Variants in RAB15 observed in about 807,000 individuals in gnomAD.
RAB15 encodes RAB15, member RAS oncogene family, also known as ras-related protein Rab-15.
In RAB15, 13 loss-of-function variants were observed where a neutral mutation model predicts 31.8. The observed-to-expected ratio is 0.41, with a 90% CI of 0.27 to 0.65. The LOEUF (loss-of-function observed/expected upper bound fraction) is 0.65. Ranked by LOEUF, RAB15 falls within the 30% of genes least tolerant of loss-of-function variation. The probability of loss-of-function intolerance (pLI) is 0.32; values close to 1 mark genes in which losing one functional copy is unlikely to be tolerated. For missense variants in RAB15, 220 were observed against 277.3 expected, an observed-to-expected ratio of 0.79 and a Z score of 1.47; for synonymous variants, 100 against 105.6, an observed-to-expected ratio of 0.95 and a Z score of 0.33.
intron 5 of RAB15, among the ~76,000 whole-genome samples, chr14:64,949,898 T>C (rs555080220): frequency 2.0e-5 from 3 of 152,204 alleles, no homozygotes; most frequent in African/African-American, 7.2e-5. Flanking sequence ...CCTCCCTGGC[T>C]CTTTCCTGGG....
intron 1 of RAB15, among the ~76,000 whole-genome samples, chr14:64,963,610 A>G (rs8007405): frequency 0.41 from 61,976 of 152,074 alleles, 13,802 homozygotes; most frequent in East Asian, 0.64. Context: ...AGGACATAGA[A>G]ACTCAGGAGC....
At chr14:64,966,591 C>G (rs1399752337) in intron 1 of RAB15, among the ~76,000 whole-genome samples, 1 of 151,970 alleles carries the variant, frequency 6.6e-6, no homozygotes, top group East Asian at 1.9e-4. Flanking sequence ...ATTATTTTAT[C>G]GAGGGCTCTG....
rs778362589 is a variant in RAB15 at position 64,955,253 on chromosome 14, C to T, written c.125-2682G>A. On this transcript the variant is annotated intron_variant, in intron 1 of 6. Coordinates refer to ENST00000533601, the MANE Select transcript of RAB15 (RefSeq NM_001308154.2). This position sits in a 1 kb window ranked among gnomAD's most constrained non-coding sequence, Gnocchi z 4.4. ...CCTTCCTCCCTCCCCGCCCACACAA[C>T]CTCTCTTAAATTTAAAAAAGGTTAA... Among the ~76,000 whole-genome samples, 2 of 151,934 alleles carry T rather than the reference C, an allele frequency of 1.3e-5. No individual in the cohort carries two copies. The highest frequency in any genetic ancestry group is 6.6e-5 in the Admixed American group (1 of 15,256).
rs1886191917 is a variant in RAB15 at position 64,950,527 on chromosome 14, G to C, written c.325-113C>G. The C allele has an allele frequency of 1.1e-6, 1 of 907,962 alleles. No homozygotes were observed. Among genetic ancestry groups the C allele is most frequent in the Non-Finnish European group, 1.8e-6 (1 of 554,932 alleles). 56.2% of individuals were successfully genotyped at this position (907,962 alleles called of 1,614,324 possible). On this transcript the variant is annotated intron_variant, in intron 4 of 6. Coordinates refer to ENST00000533601, the MANE Select transcript of RAB15 (RefSeq NM_001308154.2). This position sits in a 1 kb window ranked among gnomAD's most constrained non-coding sequence, Gnocchi z 5.6. ...CACCAATTCCAGAGCCCTAGGGACA[G>C]GGTGGGCCGACTGGATGCAGGTGCC...
chr14:64,951,235 G>T lies in RAB15; in HGVS notation c.247-84C>A. The stretch of plus-strand genomic sequence containing the variant: ...CAGAAGGGGCCGTGGAAACTTAAAG[G>T]TTGGGTCCCACTCTCCCATTCTCCC... On this transcript the variant is annotated intron_variant, in intron 3 of 6. Transcript: ENST00000533601. The surrounding 1 kb of genome is among the most constrained non-coding windows in gnomAD (Gnocchi z 7.2). 1 of 1,162,978 alleles carries T rather than the reference G, an allele frequency of 8.6e-7. No homozygotes were observed. Among genetic ancestry groups the T allele is most frequent in the Non-Finnish European group, 1.3e-6 (1 of 798,036 alleles). The allele number at this position is 1,162,978 out of a possible 1,614,324, so 72.0% of individuals were successfully genotyped here. A position where few individuals can be genotyped will look rare whatever the true frequency, so the allele number is the denominator to read the frequency against.
chr14:64,960,264 T>C (rs958760914), intron 1 of RAB15, among the ~76,000 whole-genome samples: 6 of 152,190 alleles, frequency 3.9e-5, no homozygotes, highest in African/African-American at 1.4e-4. Context: ...TAGCTCGCCT[T>C]GGGTGGGCAA....
Position 64,954,374 on chromosome 14 carries a change from T to C in RAB15, c.125-1803A>G, listed in dbSNP as rs567677030. On this transcript the variant is annotated intron_variant, in intron 1 of 6. Transcript: ENST00000533601. This position sits in a 1 kb window ranked among gnomAD's most constrained non-coding sequence, Gnocchi z 4.3. Reference sequence around the variant, plus strand: ...CCTGGCATAGAAGGGAATCAAGACATTCTTGTTTCATGATACAGCACCTTC... The same window carrying C: ...CCTGGCATAGAAGGGAATCAAGACACTCTTGTTTCATGATACAGCACCTTC... 6.1e-6 allele frequency: 6 copies of C among 985,084 alleles called. No homozygotes were observed. Among genetic ancestry groups the C allele is most frequent in the East Asian group, 1.1e-4 (1 of 8,816 alleles). The allele number at this position is 985,084 out of a possible 1,614,324, so 61.0% of individuals were successfully genotyped here.
chr14:64,969,209 C>T (rs1887297466), intron 1 of RAB15, among the ~76,000 whole-genome samples: 1 of 152,150 alleles, frequency 6.6e-6, no homozygotes. Context: ...CTTGGAATCT[C>T]TCGGTCTCAG....
At position 64,962,842 on chromosome 14, in the gene RAB15, G is replaced by A. The variant is rs1047844058; in HGVS notation, c.124+9111C>T. ...CACCTGCATCTGTACTGTTTACTGCGTGTCTTCTAGCATCTGGTTTAGTTC... is the reference window on the plus strand; with the variant it reads ...CACCTGCATCTGTACTGTTTACTGCATGTCTTCTAGCATCTGGTTTAGTTC... On this transcript the variant is annotated intron_variant, in intron 1 of 6. Coordinates refer to ENST00000533601, the MANE Select transcript of RAB15 (RefSeq NM_001308154.2). The surrounding 1 kb of genome is among the most constrained non-coding windows in gnomAD (Gnocchi z 4.2). 2.0e-5 allele frequency among the ~76,000 whole-genome samples: 3 copies of A among 152,152 alleles called. No individual in the cohort carries two copies. Among genetic ancestry groups the A allele is most frequent in the Non-Finnish European group, 2.9e-5 (2 of 68,030 alleles).
chr14:64,961,517 A>G (rs1399127794), intron 1 of RAB15, among the ~76,000 whole-genome samples: 4 of 151,954 alleles, frequency 2.6e-5, no homozygotes, highest in African/African-American at 7.3e-5. Context: ...TGCTGGAGTG[A>G]CCCTCCAGGG....
chr14:64,955,764 G>T lies in RAB15; in HGVS notation c.125-3193C>A, dbSNP rs1043008961. Among the ~76,000 whole-genome samples the T allele has an allele frequency of 6.6e-6, 1 of 152,110 alleles. No individual in the cohort carries two copies. Among genetic ancestry groups the T allele is most frequent in the Non-Finnish European group, 1.5e-5 (1 of 68,024 alleles). On this transcript the variant is annotated intron_variant, in intron 1 of 6. Coordinates refer to ENST00000533601, the MANE Select transcript of RAB15 (RefSeq NM_001308154.2). This position sits in a 1 kb window ranked among gnomAD's most constrained non-coding sequence, Gnocchi z 4.4. ...CTCTGTCCACATCTGGCCTCTTTTCGGTCATCAGCCCCACCTGGGTGCACA... is the reference window on the plus strand; with the variant it reads ...CTCTGTCCACATCTGGCCTCTTTTCTGTCATCAGCCCCACCTGGGTGCACA...
At chr14:64,961,081 G>A (rs1886827515) in intron 1 of RAB15, among the ~76,000 whole-genome samples, 1 of 151,982 alleles carries the variant, frequency 6.6e-6, no homozygotes. Context: ...AGGACCAGCA[G>A]TGCGACCTGA....
At position 64,950,278 on chromosome 14, in the gene RAB15, G is replaced by A. The variant is rs1886176499; in HGVS notation, c.414+47C>T. ...CCCCACGCTCAGGACTGGCCCTGGA[G>A]GCCCAGCAGAGGACCTGGGGTGGAC... On this transcript the variant is annotated intron_variant, in intron 5 of 6. Transcript: ENST00000533601. The surrounding 1 kb of genome is among the most constrained non-coding windows in gnomAD (Gnocchi z 5.6). The A allele has an allele frequency of 2.0e-6, 3 of 1,480,470 alleles. No homozygotes were observed. Among genetic ancestry groups the A allele is most frequent in the Non-Finnish European group, 9.4e-7 (1 of 1,059,176 alleles). 91.7% of individuals were successfully genotyped at this position (1,480,470 alleles called of 1,614,324 possible).
In RAB15 at chr14:64,952,607, G is replaced by T; in HGVS notation, c.125-36C>A. ...GAAGAAAGAAAGAAAGTTAGAAAGCGTACCCACGAGAAATGAACAGGAAAG... is the reference window on the plus strand; with the variant it reads ...GAAGAAAGAAAGAAAGTTAGAAAGCTTACCCACGAGAAATGAACAGGAAAG... On this transcript the variant is annotated intron_variant, in intron 1 of 6. Coordinates refer to ENST00000533601, the MANE Select transcript of RAB15 (RefSeq NM_001308154.2). This position sits in a 1 kb window ranked among gnomAD's most constrained non-coding sequence, Gnocchi z 4.2. 6.7e-7 allele frequency: 1 copy of T among 1,482,456 alleles called. No individual in the cohort carries two copies. The highest frequency in any genetic ancestry group is 9.4e-7 in the Non-Finnish European group (1 of 1,066,690). The allele number at this position is 1,482,456 out of a possible 1,614,324, so 91.8% of individuals were successfully genotyped here.
chr14:64,951,259 C>T lies in RAB15; in HGVS notation c.247-108G>A, dbSNP rs1886233541. On this transcript the variant is annotated intron_variant, in intron 3 of 6. Coordinates refer to ENST00000533601, the MANE Select transcript of RAB15 (RefSeq NM_001308154.2). The surrounding 1 kb of genome is among the most constrained non-coding windows in gnomAD (Gnocchi z 7.2). ...GGTTGGGTCCCACTCTCCCATTCTC[C>T]CTGCTCAGCATCCAGAAATATCTCT... 2.3e-6 allele frequency: 2 copies of T among 875,892 alleles called. No individual in the cohort carries two copies. Among genetic ancestry groups the T allele is most frequent in the South Asian group, 1.6e-5 (1 of 63,538 alleles). 54.3% of individuals were successfully genotyped at this position (875,892 alleles called of 1,614,324 possible).
intron 1 of RAB15, among the ~76,000 whole-genome samples, chr14:64,969,687 A>T (rs942820548): frequency 1.3e-5 from 2 of 152,104 alleles, no homozygotes; most frequent in African/African-American, 4.8e-5. Flanking sequence ...AGGCCAATAT[A>T]CCAAGGGCCT....
In RAB15 at chr14:64,951,610, C is replaced by T. The variant is rs1394250685; in HGVS notation, c.239G>A (p.Arg80Gln). 6.2e-6 allele frequency: 10 copies of T among 1,614,082 alleles called. No individual in the cohort carries two copies. Among genetic ancestry groups the T allele is most frequent in the East Asian group, 2.2e-5 (1 of 44,902 alleles). ...CCCAATGTGGTGGCTTACCTGGGCCCGCCGATAGTACTGCTTTGTGATGGT... is the reference window on the plus strand; with the variant it reads ...CCCAATGTGGTGGCTTACCTGGGCCTGCCGATAGTACTGCTTTGTGATGGT... The part of the protein sequence containing the change: ...YQTITKQYYR[R>Q]AQGIFLVYDI... Residue 80 changes from arginine (R) to glutamine (Q), a missense_variant, in exon 3 of 7, where the codon CGG (arginine) becomes CAG (glutamine). By Grantham distance (43) the Arg-to-Gln change is conservative. Coordinates refer to ENST00000533601, the MANE Select transcript of RAB15 (RefSeq NM_001308154.2). The surrounding 1 kb of genome is among the most constrained non-coding windows in gnomAD (Gnocchi z 7.2).
chr14:64,963,423 C>T (rs776190802), intron 1 of RAB15, among the ~76,000 whole-genome samples: 3 of 152,086 alleles, frequency 2.0e-5, no homozygotes, highest in African/African-American at 4.8e-5. Flanking sequence ...CACCCCATCT[C>T]GCTCCCCATT....
chr14:64,950,744 G>A lies in RAB15; in HGVS notation c.324+330C>T. On this transcript the variant is annotated intron_variant, in intron 4 of 6. Coordinates refer to ENST00000533601, the MANE Select transcript of RAB15 (RefSeq NM_001308154.2). This position sits in a 1 kb window ranked among gnomAD's most constrained non-coding sequence, Gnocchi z 5.6. ...CAGAGGATTCAAATGGCTTCCCAAG[G>A]CTCCACAGCTATTGTGCAGAGCCAG... is the stretch of plus-strand genomic sequence containing the variant. 1 of 598,202 alleles carries A rather than the reference G, an allele frequency of 1.7e-6. No individual in the cohort carries two copies. The highest frequency in any genetic ancestry group is 2.8e-5 in the East Asian group (1 of 36,090). 37.1% of individuals were successfully genotyped at this position (598,202 alleles called of 1,614,324 possible). A position where few individuals can be genotyped will look rare whatever the true frequency, so the allele number is the denominator to read the frequency against.
Sources: allele counts gnomAD v4.1 joint callset (sites outside exome capture counted in the v4.1 genomes callset), GRCh38; gene constraint gnomAD v4.1.1; non-coding constraint Gnocchi (gnomAD v3.1); transcripts MANE v1.5; gene names NCBI Gene and HGNC (gene_info 2026-07-23, HGNC 2026-07-21).